The following PCDH9 variants were observed in gnomAD, a reference collection of about 807,000 sequenced individuals.
PCDH9 encodes the protein protocadherin 9.
In PCDH9, 24 loss-of-function variants were observed where a neutral mutation model predicts 70.6. The observed-to-expected ratio is 0.34, with a 90% CI of 0.25 to 0.48. The LOEUF is 0.48. Ranked by LOEUF, PCDH9 falls within the 20% of genes least tolerant of loss-of-function variation. The pLI is 0.99. For missense variants in PCDH9, 1,281 were observed against 1,503.6 expected (o/e 0.85, Z 2.45); for synonymous variants, 562 against 558.5 (o/e 1.01, Z -0.09).
intron 2 of PCDH9, among the ~76,000 whole-genome samples, chr13:66,917,867 A>G (rs2082580740): frequency 6.6e-6 from 1 of 151,324 alleles, no homozygotes; most frequent in Admixed American, 6.6e-5. Flanking sequence ...CCCTGAAGAG[A>G]CATCCCTACA....
At position 66,757,911 on chromosome 13, in the gene PCDH9, T is replaced by G. The variant is rs528068473; in HGVS notation, c.3139-126500A>C. ...ACTGAAATAGTTCAACAACTTAGCC[T>G]AAATTTCTTGATGTATTCTCAAATG... On this transcript the variant is annotated intron_variant, in intron 3 of 4. Transcript: ENST00000377865. Among the ~76,000 whole-genome samples the G allele has an allele frequency of 5.3e-5, 8 of 152,186 alleles. No individual in the cohort carries two copies. The South Asian group carries it at 1.7e-3, about 32-fold the overall frequency.
intron 2 of PCDH9, among the ~76,000 whole-genome samples, chr13:67,128,067 T>C (rs1038173966): frequency 6.6e-6 from 1 of 152,162 alleles, no homozygotes; most frequent in African/African-American, 2.4e-5. Context: ...GATACATTAG[T>C]TAAATTGTAG....
At chr13:66,449,434 G>A (rs1402029031) in intron 4 of PCDH9, among the ~76,000 whole-genome samples, 1 of 151,750 alleles carries the variant, frequency 6.6e-6, no homozygotes, top group Non-Finnish European at 1.5e-5. Flanking sequence ...GATTGGTTTT[G>A]AGAACAAACT....
At position 67,184,287 on chromosome 13, in the gene PCDH9, G is replaced by A. The variant is rs2088691944; in HGVS notation, c.3036+41118C>T. 2.0e-5 allele frequency among the ~76,000 whole-genome samples: 3 copies of A among 152,112 alleles called. No individual in the cohort carries two copies. In the South Asian group the frequency reaches 6.2e-4, roughly 32 times the overall value. ...TAACAACAAAACTTGTGAAGGTGAA[G>A]GTTATAATGAAAGAAAAGGAGGTAA... On this transcript the variant is annotated intron_variant, in intron 2 of 4. Coordinates refer to ENST00000377865, the MANE Select transcript of PCDH9 (RefSeq NM_203487.3).
intron 3 of PCDH9, among the ~76,000 whole-genome samples, chr13:66,677,951 T>A: frequency 6.6e-6 from 1 of 152,192 alleles, no homozygotes; most frequent in East Asian, 1.9e-4. Flanking sequence ...TCAAAATACT[T>A]GCTTTGCACA....
At chr13:66,453,948 A>C (rs560579230) in intron 4 of PCDH9, among the ~76,000 whole-genome samples, 83 of 152,256 alleles carry the variant, frequency 5.5e-4, no homozygotes, top group Non-Finnish European at 1.0e-3. Context: ...AGAAAATATG[A>C]TATTTGTCTT....
At chr13:66,844,507 C>T (rs187198250) in intron 3 of PCDH9, among the ~76,000 whole-genome samples, 1 of 151,864 alleles carries the variant, frequency 6.6e-6, no homozygotes, top group East Asian at 1.9e-4. Context: ...ATCATTTGAA[C>T]CTGGGAGGTG....
At chr13:66,517,603 G>A (rs1004284381) in intron 4 of PCDH9, among the ~76,000 whole-genome samples, 2 of 152,004 alleles carry the variant, frequency 1.3e-5, no homozygotes, top group African/African-American at 2.4e-5. Flanking sequence ...AAGAAAAAAC[G>A]TGTCTTGGAA....
intron 4 of PCDH9, among the ~76,000 whole-genome samples, chr13:66,575,283 C>G (rs1360135825): frequency 6.6e-6 from 1 of 152,064 alleles, no homozygotes; most frequent in Non-Finnish European, 1.5e-5. Context: ...CACAGGCATA[C>G]ATGTTAGTAT....
chr13:67,213,769 A>G (rs1173279014), intron 2 of PCDH9: 2 of 152,144 alleles, frequency 1.3e-5, no homozygotes, highest in Admixed American at 1.3e-4. Context: ...GTCTTATGAA[A>G]CTGTCTTCTT....
rs971452867 is a variant in PCDH9 at position 66,579,153 on chromosome 13, G to A, written c.3340+52057C>T. Among the ~76,000 whole-genome samples, 5 of 152,136 alleles carry A rather than the reference G, an allele frequency of 3.3e-5. No homozygotes were observed. The South Asian group carries it at 1.0e-3, about 32-fold the overall frequency. ...ACGTGGTTCCTTAATTGCCTTGTCTGTAGTTTTGGCATGCATAATAAATAA... is the reference window on the plus strand; with the variant it reads ...ACGTGGTTCCTTAATTGCCTTGTCTATAGTTTTGGCATGCATAATAAATAA... On this transcript the variant is annotated intron_variant, in intron 4 of 4. Transcript: ENST00000377865.
intron 3 of PCDH9, among the ~76,000 whole-genome samples, chr13:66,729,030 T>G (rs1351479019): frequency 6.6e-6 from 1 of 152,116 alleles, no homozygotes; most frequent in Non-Finnish European, 1.5e-5. Context: ...ATGATCAGTC[T>G]AGATAGCTGT....
At chr13:67,162,031 A>T (rs899964942) in intron 2 of PCDH9, among the ~76,000 whole-genome samples, 11 of 152,318 alleles carry the variant, frequency 7.2e-5, no homozygotes, top group African/African-American at 2.2e-4. Flanking sequence ...CCGCCTTCCT[A>T]AACGACCTTG....
chr13:66,602,686 G>A (rs897940183), intron 4 of PCDH9, among the ~76,000 whole-genome samples: 7 of 144,972 alleles, frequency 4.8e-5, no homozygotes, highest in Non-Finnish European at 1.1e-4. Flanking sequence ...AGTTCAGTGC[G>A]GCCTAAGTGT....
intron 3 of PCDH9, among the ~76,000 whole-genome samples, chr13:66,765,923 A>C (rs1199418154): frequency 6.6e-6 from 1 of 152,060 alleles, no homozygotes; most frequent in East Asian, 1.9e-4. Flanking sequence ...CCCTTGAAAT[A>C]GTGCACTATC....
intron 2 of PCDH9, among the ~76,000 whole-genome samples, chr13:67,052,962 C>T (rs1298982007): frequency 2.6e-5 from 4 of 152,064 alleles, no homozygotes; most frequent in East Asian, 1.9e-4. Flanking sequence ...ACAAGTAAGC[C>T]GTTCCATCAG....
At chr13:66,747,370 CAAAA>C (rs2079385569) in intron 3 of PCDH9, among the ~76,000 whole-genome samples, 1 of 82,252 alleles carries the variant, frequency 1.2e-5, no homozygotes, top group Admixed American at 1.2e-4. Context: ...CAAAACAAAA[CAAAA>C]CAAAACAAAA....
chr13:67,014,872 C>T (rs2084527112), intron 2 of PCDH9, among the ~76,000 whole-genome samples: 2 of 152,064 alleles, frequency 1.3e-5, no homozygotes, highest in South Asian at 2.1e-4. Flanking sequence ...CAAGAAGCTG[C>T]CCCACCACTC....
chr13:66,366,815 A>T (rs1006879643), intron 4 of PCDH9, among the ~76,000 whole-genome samples: 1 of 152,116 alleles, frequency 6.6e-6, no homozygotes. Context: ...GTGTATCTGG[A>T]TAGTATATGT....
Sources: gnomAD v4.1 joint callset for allele counts (sites outside exome capture counted in the v4.1 genomes callset) on GRCh38, gnomAD v4.1.1 for gene constraint, MANE v1.5 for transcripts, NCBI Gene and HGNC (gene_info 2026-07-23, HGNC 2026-07-21) for gene names.